Variants in NF2 observed in about 807,000 individuals in gnomAD.
The protein encoded by NF2 is NF2, moesin-ezrin-radixin like (MERLIN) tumor suppressor.
In NF2, 8 loss-of-function variants were observed where a neutral mutation model predicts 83.7. The ratio of observed to expected loss-of-function variants is 0.10; its 90% CI spans 0.06 to 0.17. The LOEUF is 0.17. Ranked by LOEUF, NF2 falls within the 10% of genes least tolerant of loss-of-function variation. The pLI, the probability that NF2 is intolerant of heterozygous loss-of-function variation, is 1.00. For missense variants in NF2, 533 were observed against 744.4 expected, an observed-to-expected ratio of 0.72 and a Z score of 3.31; for synonymous variants, 266 against 269.6, an observed-to-expected ratio of 0.99 and a Z score of 0.13.
chr22:29,678,089 G>A, intron 13 of NF2, 107 bp from the exon 14 acceptor site: 1 of 1,475,864 alleles, frequency 6.8e-7, no homozygotes, highest in South Asian at 1.1e-5. Flanking sequence ...TGGGACCCGA[G>A]TTGTGCCCAT....
chr22:29,680,852 A>AT (rs895646775), intron 14 of NF2, among the ~76,000 whole-genome samples: 28 of 117,746 alleles, frequency 2.4e-4, no homozygotes, highest in African/African-American at 8.2e-4. Context: ...GCAAGATCCT[A>AT]TAAAAAAAAA....
At chr22:29,632,312 A>G (rs1303192928) in intron 1 of NF2, among the ~76,000 whole-genome samples, 1 of 152,038 alleles carries the variant, frequency 6.6e-6, no homozygotes, top group Non-Finnish European at 1.5e-5. Flanking sequence ...TGCCTGGAAC[A>G]TACTTACCTG....
chr22:29,665,163 T>G (rs936227266), intron 9 of NF2, 99 bp downstream of exon 9: 2 of 918,246 alleles, frequency 2.2e-6, no homozygotes, highest in African/African-American at 1.6e-5. Context: ...TTGTGAAGTA[T>G]AGAATGGTAT....
intron 1 of NF2, among the ~76,000 whole-genome samples, chr22:29,628,624 CATCTT>C (rs1400897305): frequency 2.3e-5 from 3 of 128,252 alleles, no homozygotes; most frequent in African/African-American, 8.6e-5. Context: ...AAGTTTGTGA[CATCTT>C]TTTTTTTTTT....
intron 1 of NF2, among the ~76,000 whole-genome samples, chr22:29,623,917 G>A (rs959234883): frequency 6.6e-6 from 1 of 152,166 alleles, no homozygotes; most frequent in African/African-American, 2.4e-5. Context: ...CTTATTTTAG[G>A]TGATCTGGGC....
chr22:29,608,448 C>T lies in NF2; in HGVS notation c.114+4336C>T, dbSNP rs573460813. On this transcript the variant is annotated intron_variant, in intron 1 of 15. Coordinates refer to ENST00000338641, the MANE Select transcript of NF2 (RefSeq NM_000268.4). ...CTCTGGGAGGCTGAGGTGGGTGGAT[C>T]ACCTGAGGTCAGGAGTTCAAGACCA... Among the ~76,000 whole-genome samples the T allele has an allele frequency of 2.0e-5, 3 of 151,296 alleles. No individual in the cohort carries two copies. In the South Asian group the frequency reaches 6.3e-4, roughly 32 times the overall value.
intron 6 of NF2, 109 bp from the exon 7 acceptor site, chr22:29,658,080 C>A (rs750788287): frequency 9.4e-6 from 9 of 953,468 alleles, no homozygotes; most frequent in Non-Finnish European, 1.5e-5. Context: ...CTTCTGGCAG[C>A]GACGTGGCTC....
At chr22:29,609,338 G>A in intron 1 of NF2, 1 of 641,276 alleles carries the variant, frequency 1.6e-6, no homozygotes, top group Non-Finnish European at 3.0e-6. Context: ...GGCTATAGAG[G>A]TCGCTGGTGG....
At chr22:29,615,661 G>A (rs1334071318) in intron 1 of NF2, among the ~76,000 whole-genome samples, 1 of 152,134 alleles carries the variant, frequency 6.6e-6, no homozygotes, top group Non-Finnish European at 1.5e-5. Flanking sequence ...CTTGAGCCCA[G>A]AATTTTGAGG....
At chr22:29,604,944 G>A (rs1192759974) in intron 1 of NF2, among the ~76,000 whole-genome samples, 3 of 152,140 alleles carry the variant, frequency 2.0e-5, no homozygotes, top group African/African-American at 7.2e-5. Flanking sequence ...GACAGCTTAA[G>A]GAACCCATTC....
At chr22:29,675,071 G>A in intron 13 of NF2, 130 bp downstream of exon 13, 1 of 760,128 alleles carries the variant, frequency 1.3e-6, no homozygotes, top group Admixed American at 2.2e-5. Context: ...GATGAGAGGT[G>A]CAGAGAGCCT....
At chr22:29,643,939 C>G (rs868398789) in intron 4 of NF2, among the ~76,000 whole-genome samples, 1 of 132,390 alleles carries the variant, frequency 7.6e-6, no homozygotes, top group South Asian at 2.3e-4. Flanking sequence ...CAACCTCCCT[C>G]CCGGACGGGG....
At chr22:29,648,853 G>T (rs1043681344) in intron 4 of NF2, among the ~76,000 whole-genome samples, 25 of 152,200 alleles carry the variant, frequency 1.6e-4, no homozygotes, top group Non-Finnish European at 3.4e-4. Context: ...GCCTCCCAAA[G>T]TGCAGGGATT....
intron 1 of NF2, among the ~76,000 whole-genome samples, chr22:29,625,090 C>T (rs1014963154): frequency 1.3e-5 from 2 of 151,842 alleles, no homozygotes; most frequent in African/African-American, 2.4e-5. Context: ...AGGCGTGCGC[C>T]ACTAATTTTT....
intron 1 of NF2, among the ~76,000 whole-genome samples, chr22:29,613,668 GT>G (rs2065010681): frequency 6.6e-6 from 1 of 152,128 alleles, no homozygotes; most frequent in Non-Finnish European, 1.5e-5. Context: ...CTTGACAAGG[GT>G]GCAAAGACCA....
chr22:29,673,657 G>A lies in NF2; in HGVS notation c.1340+171G>A, dbSNP rs571716297. On this transcript the variant is annotated intron_variant, in intron 12 of 15. Coordinates refer to ENST00000338641, the MANE Select transcript of NF2 (RefSeq NM_000268.4). ...TGACTGGTGCTTTATCCATTTTGGG[G>A]CTGGCGCTACTGGTTGGGCACAGGA... Among the ~76,000 whole-genome samples, 148 of 152,300 alleles carry A rather than the reference G, an allele frequency of 9.7e-4. 2 individuals are homozygous for A. Among genetic ancestry groups the A allele is most frequent in the African/African-American group, 3.5e-3 (145 of 41,568 alleles).
chr22:29,648,437 T>C (rs1439171375), intron 4 of NF2, among the ~76,000 whole-genome samples: 1 of 152,164 alleles, frequency 6.6e-6, no homozygotes, highest in East Asian at 1.9e-4. Context: ...ATTGGGTAAC[T>C]GCATTGTTGG....
intron 4 of NF2, among the ~76,000 whole-genome samples, chr22:29,644,204 C>G (rs530841794): frequency 6.9e-6 from 1 of 144,500 alleles, no homozygotes; most frequent in Non-Finnish European, 1.5e-5. Context: ...ACTTCTCAGA[C>G]GGGGCGGCCG....
chr22:29,634,416 G>A (rs1282398280), intron 1 of NF2, among the ~76,000 whole-genome samples: 1 of 152,200 alleles, frequency 6.6e-6, no homozygotes, highest in Non-Finnish European at 1.5e-5. Flanking sequence ...AGGGAATACA[G>A]GAAAACTGCA....
Sources: gnomAD v4.1 joint callset for allele counts (sites outside exome capture counted in the v4.1 genomes callset) on GRCh38, gnomAD v4.1.1 for gene constraint, MANE v1.5 for transcripts, NCBI Gene and HGNC (gene_info 2026-07-23, HGNC 2026-07-21) for gene names.